The following SLC2A13 variants were observed in gnomAD, a reference collection of about 807,000 sequenced individuals.
SLC2A13 encodes solute carrier family 2 member 13, also known as proton myo-inositol cotransporter.
In SLC2A13, 32 loss-of-function variants were observed where a neutral mutation model predicts 64.4. The ratio of observed to expected loss-of-function variants is 0.50; its 90% CI spans 0.37 to 0.67. The LOEUF (loss-of-function observed/expected upper bound fraction) is 0.67. Ranked by LOEUF, SLC2A13 falls within the 30% of genes least tolerant of loss-of-function variation. The probability of loss-of-function intolerance (pLI) is 0.00; values close to 1 mark genes in which losing one functional copy is unlikely to be tolerated. For missense variants in SLC2A13, 743 were observed against 829.2 expected (o/e 0.90, Z 1.28); for synonymous variants, 338 against 327.1 (o/e 1.03, Z -0.36).
At chr12:40,004,718 T>G (rs1947383615) in intron 3 of SLC2A13, among the ~76,000 whole-genome samples, 1 of 152,058 alleles carries the variant, frequency 6.6e-6, no homozygotes, top group Non-Finnish European at 1.5e-5. Context: ...CCCCAAAAGC[T>G]TAACTACGAA....
At chr12:39,821,133 A>T (rs1020485509) in intron 7 of SLC2A13, among the ~76,000 whole-genome samples, 16 of 152,116 alleles carry the variant, frequency 1.1e-4, no homozygotes, top group African/African-American at 3.4e-4. Flanking sequence ...CTCAAAAAAA[A>T]TTTTTCGCAG....
intron 7 of SLC2A13, among the ~76,000 whole-genome samples, chr12:39,821,342 G>A (rs1348729512): frequency 1.3e-5 from 2 of 151,976 alleles, no homozygotes; most frequent in Non-Finnish European, 2.9e-5. Flanking sequence ...CCCGGGAGGC[G>A]GAGCTTGCAG....
chr12:40,088,520 C>T (rs1938660503), intron 1 of SLC2A13, among the ~76,000 whole-genome samples: 1 of 152,182 alleles, frequency 6.6e-6, no homozygotes, highest in Non-Finnish European at 1.5e-5. Flanking sequence ...GCTGCTGCAG[C>T]TCCAAAGCTC....
intron 7 of SLC2A13, among the ~76,000 whole-genome samples, chr12:39,812,202 G>A (rs1195901762): frequency 6.6e-6 from 1 of 152,010 alleles, no homozygotes; most frequent in African/African-American, 2.4e-5. Context: ...CCCTCACATG[G>A]TAGAATGGAA....
At chr12:39,962,174 C>T (rs762266734) in intron 3 of SLC2A13, among the ~76,000 whole-genome samples, 1 of 152,204 alleles carries the variant, frequency 6.6e-6, no homozygotes, top group Non-Finnish European at 1.5e-5. Flanking sequence ...TCACTATGGC[C>T]TCTGCCTCCC....
chr12:39,880,318 A>C (rs1360963500), intron 4 of SLC2A13, among the ~76,000 whole-genome samples: 1 of 152,202 alleles, frequency 6.6e-6, no homozygotes, highest in Non-Finnish European at 1.5e-5. Flanking sequence ...AAAATGTTTT[A>C]CTCAAGATAC....
intron 3 of SLC2A13, among the ~76,000 whole-genome samples, chr12:39,975,672 T>A (rs916061105): frequency 6.6e-6 from 1 of 152,224 alleles, no homozygotes; most frequent in Non-Finnish European, 1.5e-5. Context: ...GTAAGCCACC[T>A]GTCTGGAGGA....
intron 4 of SLC2A13, among the ~76,000 whole-genome samples, chr12:39,896,295 T>C (rs1397049960): frequency 2.1e-5 from 3 of 143,972 alleles, no homozygotes; most frequent in East Asian, 2.1e-4. Flanking sequence ...TGTATATGTG[T>C]GTATATATGT....
chr12:39,785,577 G>A (rs944464035), intron 7 of SLC2A13, among the ~76,000 whole-genome samples: 3 of 152,184 alleles, frequency 2.0e-5, no homozygotes, highest in Non-Finnish European at 2.9e-5. Context: ...ACTGCCTGGT[G>A]GAGCTGTGAG....
At chr12:39,789,931 C>A (rs1270263755) in intron 7 of SLC2A13, among the ~76,000 whole-genome samples, 2 of 151,980 alleles carry the variant, frequency 1.3e-5, no homozygotes, top group African/African-American at 4.8e-5. Context: ...TATTATAAAT[C>A]AGGATATCTT....
intron 4 of SLC2A13, among the ~76,000 whole-genome samples, chr12:39,946,542 C>T (rs1271001669): frequency 2.6e-5 from 4 of 152,180 alleles, no homozygotes; most frequent in Admixed American, 6.5e-5. Flanking sequence ...GCTGTGGCTG[C>T]TGTGGGGGTT....
chr12:39,961,071 T>C lies in SLC2A13; in HGVS notation c.926-9706A>G, dbSNP rs1325745223. Among the ~76,000 whole-genome samples, 3 of 150,652 alleles carry C rather than the reference T, an allele frequency of 2.0e-5. No individual in the cohort carries two copies. In the East Asian group the frequency reaches 5.9e-4, roughly 30 times the overall value. ...CCTTGCATGATTTTAAAGAGAATGT[T>C]TTTTTCTTTTTTTTTTTTTTACTTT... On this transcript the variant is annotated intron_variant, in intron 3 of 9. Transcript: ENST00000280871.
At chr12:39,789,223 T>C (rs1941292674) in intron 7 of SLC2A13, among the ~76,000 whole-genome samples, 1 of 152,116 alleles carries the variant, frequency 6.6e-6, no homozygotes, top group Non-Finnish European at 1.5e-5. Context: ...TCCTTGTTTT[T>C]CTGTATAGGA....
intron 6 of SLC2A13, among the ~76,000 whole-genome samples, chr12:39,834,611 G>A (rs993853431): frequency 2.6e-5 from 4 of 151,996 alleles, no homozygotes; most frequent in Non-Finnish European, 5.9e-5. Flanking sequence ...TTCAGGGAAA[G>A]GAGGTCAAGT....
At chr12:39,867,466 A>C (rs1943938982) in intron 5 of SLC2A13, among the ~76,000 whole-genome samples, 1 of 152,120 alleles carries the variant, frequency 6.6e-6, no homozygotes, top group African/African-American at 2.4e-5. Flanking sequence ...AAAAAAACAA[A>C]AACAAAAACA....
chr12:39,784,649 G>C (rs866203970), intron 7 of SLC2A13, among the ~76,000 whole-genome samples: 3 of 152,128 alleles, frequency 2.0e-5, no homozygotes, highest in African/African-American at 7.2e-5. Flanking sequence ...CAATACCATT[G>C]AGGACATAGG....
intron 4 of SLC2A13, among the ~76,000 whole-genome samples, chr12:39,932,580 CAAAT>C (rs894703824): frequency 2.6e-5 from 4 of 152,036 alleles, no homozygotes; most frequent in African/African-American, 9.7e-5. Context: ...GCTTAATAAA[CAAAT>C]AAATAAGCAG....
At chr12:39,807,318 C>T (rs1942010872) in intron 7 of SLC2A13, among the ~76,000 whole-genome samples, 1 of 152,132 alleles carries the variant, frequency 6.6e-6, no homozygotes, top group African/African-American at 2.4e-5. Flanking sequence ...TATGATAACA[C>T]TGTATAAAAT....
At chr12:39,835,011 T>G (rs1420928129) in intron 6 of SLC2A13, among the ~76,000 whole-genome samples, 11 of 152,112 alleles carry the variant, frequency 7.2e-5, no homozygotes, top group Non-Finnish European at 5.9e-5. Flanking sequence ...TCTTTAAGCC[T>G]TTCTTGAACG....
Sources: gnomAD v4.1 joint callset for allele counts (sites outside exome capture counted in the v4.1 genomes callset) on GRCh38, gnomAD v4.1.1 for gene constraint, MANE v1.5 for transcripts, NCBI Gene and HGNC (gene_info 2026-07-23, HGNC 2026-07-21) for gene names.